The following THADA variants were observed in gnomAD, a reference collection of about 807,000 sequenced individuals.
The protein encoded by THADA is THADA armadillo repeat containing.
Under a neutral mutation model 219.8 loss-of-function variants are expected in THADA, and 213 were observed. That is an observed-to-expected ratio of 0.97 (90% CI 0.87 to 1.09). The LOEUF (loss-of-function observed/expected upper bound fraction) is 1.09. Ranked by LOEUF, THADA falls within the 50% of genes least tolerant of loss-of-function variation. The pLI is 0.00. For synonymous variants in THADA, 1,018 were observed against 828.9 expected (o/e 1.23, Z -3.92); for missense variants, 2,956 against 2,311.3 (o/e 1.28, Z -5.72).
chr2:43,551,917 T>C lies in THADA; in HGVS notation c.2819A>G (p.Gln940Arg), dbSNP rs2103881952. ...CACAGGTCTCCACTCGCTCACCAACTGCAGGCTGCTGCAACAAGGACATTA... is the reference window on the plus strand; with the variant it reads ...CACAGGTCTCCACTCGCTCACCAACCGCAGGCTGCTGCAACAAGGACATTA... The part of the protein sequence containing the change: ...ALQKLSLNSL[Q>R]LVSEWRPVVE... Residue 940 changes from glutamine to arginine, a missense_variant, in exon 19 of 38, where the codon CAG (glutamine) becomes CGG (arginine). Gln to Arg is a conservative substitution (Grantham distance 43, BLOSUM62 1). Transcript: ENST00000405975. The C allele has an allele frequency of 6.2e-7, 1 of 1,609,968 alleles. No individual in the cohort carries two copies. The highest frequency in any genetic ancestry group is 1.7e-4 in the Middle Eastern group (1 of 6,036).
intron 26 of THADA, among the ~76,000 whole-genome samples, chr2:43,453,541 C>G (rs1682619979): frequency 1.3e-5 from 2 of 152,142 alleles, no homozygotes; most frequent in South Asian, 4.1e-4. Flanking sequence ...GGGCTGGCAG[C>G]AGTAAGTAGG....
At chr2:43,530,771 G>T (rs1693768347) in intron 21 of THADA, among the ~76,000 whole-genome samples, 1 of 152,142 alleles carries the variant, frequency 6.6e-6, no homozygotes, top group Admixed American at 6.5e-5. Flanking sequence ...CTTCGAAGAG[G>T]TCTAAAACAA....
At chr2:43,330,592 T>G (rs1302408244) in intron 30 of THADA, among the ~76,000 whole-genome samples, 1 of 152,154 alleles carries the variant, frequency 6.6e-6, no homozygotes, top group Admixed American at 6.5e-5. Flanking sequence ...AAAGGTGCTG[T>G]CTCTACCAGG....
At chr2:43,497,813 A>T (rs1317671975) in intron 25 of THADA, among the ~76,000 whole-genome samples, 1 of 152,136 alleles carries the variant, frequency 6.6e-6, no homozygotes, top group African/African-American at 2.4e-5. Flanking sequence ...TGAACCCAGG[A>T]AGCAGAGGTT....
intron 24 of THADA, 137 bp from the exon 25 acceptor site, chr2:43,499,092 A>G (rs1558860847): frequency 3.2e-6 from 3 of 948,422 alleles, no homozygotes; most frequent in Non-Finnish European, 4.5e-6. Context: ...ATGAAATAGC[A>G]GATTTAATAA....
At chr2:43,400,377 T>A (rs1448667844) in intron 28 of THADA, among the ~76,000 whole-genome samples, 2 of 150,836 alleles carry the variant, frequency 1.3e-5, no homozygotes, top group African/African-American at 4.9e-5. Flanking sequence ...AATATTTAAT[T>A]AAGTAACATT....
At chr2:43,332,223 T>C (rs1322769534) in intron 30 of THADA, among the ~76,000 whole-genome samples, 6 of 152,184 alleles carry the variant, frequency 3.9e-5, no homozygotes, top group Non-Finnish European at 7.3e-5. Context: ...GAAGCTGGGA[T>C]TACAGGCCCA....
At chr2:43,296,955 C>T (rs563560323) in intron 31 of THADA, among the ~76,000 whole-genome samples, 122 of 142,860 alleles carry the variant, frequency 8.5e-4, no homozygotes, top group African/African-American at 2.3e-3. Flanking sequence ...TCTGCCCGGC[C>T]GCCACCCCGT....
intron 29 of THADA, among the ~76,000 whole-genome samples, chr2:43,385,764 G>A (rs1003726864): frequency 2.6e-5 from 4 of 151,676 alleles, no homozygotes; most frequent in Non-Finnish European, 4.4e-5. Context: ...CATGTAAGAT[G>A]TTAATTATAC....
At chr2:43,538,985 C>T (rs1694957694) in intron 21 of THADA, among the ~76,000 whole-genome samples, 1 of 152,328 alleles carries the variant, frequency 6.6e-6, no homozygotes, top group Non-Finnish European at 1.5e-5. Flanking sequence ...AACGGACTGT[C>T]ATCTACATTC....
At chr2:43,589,290 TATAAG>T (rs1245261630) in intron 4 of THADA, among the ~76,000 whole-genome samples, 1 of 152,148 alleles carries the variant, frequency 6.6e-6, no homozygotes, top group African/African-American at 2.4e-5. Flanking sequence ...TATTAAGCCT[TATAAG>T]AGAAGAAAAT....
At chr2:43,532,934 T>C (rs1162435271) in intron 21 of THADA, among the ~76,000 whole-genome samples, 1 of 152,066 alleles carries the variant, frequency 6.6e-6, no homozygotes, top group Non-Finnish European at 1.5e-5. Flanking sequence ...AAAGAAACTA[T>C]CATCAGAGTG....
In THADA at chr2:43,425,442, T is replaced by C. The variant is rs577846521; in HGVS notation, c.4058+2658A>G. Among the ~76,000 whole-genome samples the C allele has an allele frequency of 6.6e-3, 748 of 112,870 alleles. 4 individuals carry two copies. Among genetic ancestry groups the C allele is most frequent in the Non-Finnish European group, 0.011 (604 of 55,704 alleles). The allele number at this position is 112,870 out of a possible 152,430, so 74.0% of individuals were successfully genotyped here. A position where few individuals can be genotyped will look rare whatever the true frequency, so the allele number is the denominator to read the frequency against. Reference sequence around the variant, plus strand: ...GCTACTACTGTCTAGCTTGTTAAAATTGTATGTGTGTGTGTGTGTGTGTGT... The same window carrying C: ...GCTACTACTGTCTAGCTTGTTAAAACTGTATGTGTGTGTGTGTGTGTGTGT... On this transcript the variant is annotated intron_variant, in intron 28 of 37. Transcript: ENST00000405975.
At chr2:43,515,165 A>AATATATTATATATAATATATAATATATT (rs1691363830) in intron 22 of THADA, among the ~76,000 whole-genome samples, 4 of 2,498 alleles carry the variant, frequency 1.6e-3, no homozygotes, top group Non-Finnish European at 2.5e-3. Context: ...TATTATATAT[A>AATATATTATATATAATATATAATATATT]ATATATTATA....
At chr2:43,573,043 A>C in intron 11 of THADA, 51 bp from the exon 12 acceptor site, 1 of 1,352,320 alleles carries the variant, frequency 7.4e-7, no homozygotes. Context: ...TGACTACTAT[A>C]ATTATCAGCT....
Position 43,541,309 on chromosome 2 carries a change from T to A in THADA, c.3114A>T (p.Glu1038Asp). The change falls in exon 21 of 38, where the codon GAA becomes GAT. Residue 1038 changes from glutamate to aspartate, a missense_variant. Glu to Asp is a conservative substitution (Grantham distance 45, BLOSUM62 2). Transcript: ENST00000405975. ...IDTSTEIKGK[E>D]VKTCDVTAQM... ...GCGCAGTTACATCACATGTTTTTAC[T>A]TCTTTACCTTAAACAAAAAAAAACA... is the stretch of plus-strand genomic sequence containing the variant. 1.9e-5 allele frequency: 30 copies of A among 1,612,920 alleles called. No individual in the cohort carries two copies. The highest frequency in any genetic ancestry group is 2.5e-5 in the Non-Finnish European group (30 of 1,179,536).
rs552045710 is a variant in THADA at position 43,518,164 on chromosome 2, G to T, written c.3375-9384C>A. Among the ~76,000 whole-genome samples the T allele has an allele frequency of 2.0e-5, 3 of 152,136 alleles. 1 individual carries two copies. The South Asian group carries it at 6.2e-4, about 32-fold the overall frequency. On this transcript the variant is annotated intron_variant, in intron 22 of 37. Transcript: ENST00000405975. The stretch of plus-strand genomic sequence containing the variant: ...TCTCTATTCCCAGCACCTATAACAC[G>T]GCCTGATACCCTATAGGGAGCTCAA...
chr2:43,253,387 G>A (rs1048439079), intron 36 of THADA, among the ~76,000 whole-genome samples: 1 of 152,078 alleles, frequency 6.6e-6, no homozygotes, highest in Non-Finnish European at 1.5e-5. Context: ...TGGGCCCTTT[G>A]CCTACCTCCT....
chr2:43,439,664 G>A (rs768993736), intron 26 of THADA, among the ~76,000 whole-genome samples: 2 of 152,092 alleles, frequency 1.3e-5, no homozygotes, highest in Admixed American at 6.5e-5. Context: ...ATCTCTAATT[G>A]CACCTAATAT....
Sources: gnomAD v4.1 joint callset for allele counts (sites outside exome capture counted in the v4.1 genomes callset) on GRCh38, gnomAD v4.1.1 for gene constraint, MANE v1.5 for transcripts, NCBI Gene and HGNC (gene_info 2026-07-23, HGNC 2026-07-21) for gene names.